The following ATP6V0A2 variants were observed in gnomAD, a reference collection of about 807,000 sequenced individuals.
ATP6V0A2 encodes the protein V-type proton ATPase 116 kDa subunit a 2.
Under a neutral mutation model 104.4 loss-of-function variants are expected in ATP6V0A2, and 58 were observed. The ratio of observed to expected loss-of-function variants is 0.56; its 90% confidence interval spans 0.45 to 0.69. The LOEUF is 0.69. ATP6V0A2 is among the 30% of genes least tolerant of loss of function. ATP6V0A2 has a pLI of 0.00. For missense variants in ATP6V0A2, 938 were observed against 1,062.9 expected (o/e 0.88, Z 1.63); for synonymous variants, 376 against 397.9 (o/e 0.95, Z 0.65).
chr12:123,751,188 T>G lies in ATP6V0A2; in HGVS notation c.2014T>G (p.Leu672Val). The change falls in exon 16 of 20, where the codon TTG becomes GTG. Residue 672 changes from leucine to valine, a missense_variant. Transcript: ENST00000330342. Reference protein sequence around the residue: ...VLFLGKPLFLLWLHNGRSCFG... With the variant: ...VLFLGKPLFLVWLHNGRSCFG... ...CTTCTTGGGAAAGCCACTGTTTTTG[T>G]TGTGGCTTCACAATGGGCGTAGTTG... The G allele has an allele frequency of 6.2e-7, 1 of 1,614,218 alleles. No individual in the cohort carries two copies. Among genetic ancestry groups the G allele is most frequent in the Non-Finnish European group, 8.5e-7 (1 of 1,180,046 alleles).
chr12:123,747,243 C>T (rs1436768437), intron 13 of ATP6V0A2, among the ~76,000 whole-genome samples: 2 of 152,174 alleles, frequency 1.3e-5, no homozygotes, highest in Middle Eastern at 6.3e-3. Flanking sequence ...ATGTCTCCTG[C>T]CCAGGTAGAG....
intron 4 of ATP6V0A2, 87 bp downstream of exon 4, chr12:123,724,878 ATTAG>A: frequency 9.5e-7 from 1 of 1,049,508 alleles, no homozygotes; most frequent in Non-Finnish European, 1.5e-6. Context: ...GTATTTTGCT[ATTAG>A]TTCATATAGA....
Position 123,752,374 on chromosome 12 carries a change from A to G in ATP6V0A2, c.2147A>G (p.Asp716Gly), listed in dbSNP as rs1956724445. Residue 716 changes from aspartate (D) to glycine (G), a missense_variant, in exon 17 of 20, where the codon GAT becomes GGT. Asp to Gly is a moderately conservative substitution (Grantham distance 94, BLOSUM62 -1). Transcript: ENST00000330342. Reference protein sequence around the residue: ...DIEEGNHQVEDGCREMACEEF... With the variant: ...DIEEGNHQVEGGCREMACEEF... Reference sequence around the variant, plus strand: ...GAAGAGGGAAATCACCAGGTGGAAGATGGATGTAGAGAAATGGCGTGTGAA... The same window carrying G: ...GAAGAGGGAAATCACCAGGTGGAAGGTGGATGTAGAGAAATGGCGTGTGAA... 1.9e-6 allele frequency: 3 copies of G among 1,614,160 alleles called. No homozygotes were observed. Among genetic ancestry groups the G allele is most frequent in the Non-Finnish European group, 2.5e-6 (3 of 1,180,006 alleles).
At chr12:123,716,977 G>A (rs67516712) in intron 1 of ATP6V0A2, among the ~76,000 whole-genome samples, 70,071 of 151,796 alleles carry the variant, frequency 0.46, 18,113 homozygotes, top group African/African-American at 0.69. Context: ...AAGTGGAATC[G>A]CACAGTATGT....
At chr12:123,751,047 G>C in intron 15 of ATP6V0A2, 63 bp from the exon 16 acceptor site, 1 of 1,607,434 alleles carries the variant, frequency 6.2e-7, no homozygotes, top group African/African-American at 1.3e-5. Flanking sequence ...TTCATCGTGT[G>C]CTGCTGACCC....
intron 18 of ATP6V0A2, chr12:123,754,844 G>T: frequency 2.4e-6 from 1 of 423,912 alleles, no homozygotes. Flanking sequence ...GGGAGCCTCT[G>T]GTGTAAGCAC....
chr12:123,743,879 G>C lies in ATP6V0A2; in HGVS notation c.1133G>C (p.Gly378Ala). The change falls in exon 10 of 20, where the codon GGA becomes GCA. Residue 378 changes from glycine (G) to alanine (A), a missense_variant. Transcript: ENST00000330342. ...ATCCGCACCAACAAATTCACCGAGG[G>C]ATTTCAGAACATCGTGGATGCTTAT... ...TRIRTNKFTEGFQNIVDAYGV... is the reference protein window; with the variant it reads ...TRIRTNKFTEAFQNIVDAYGV... 6.2e-7 allele frequency: 1 copy of C among 1,614,180 alleles called. No individual in the cohort carries two copies.
intron 9 of ATP6V0A2, among the ~76,000 whole-genome samples, chr12:123,741,932 A>G (rs1956613264): frequency 2.0e-5 from 3 of 152,088 alleles, no homozygotes; most frequent in African/African-American, 7.2e-5. Context: ...TTTTTTGTGT[A>G]CTGAATGCAA....
chr12:123,716,993 C>T (rs1956347108), intron 1 of ATP6V0A2, among the ~76,000 whole-genome samples: 1 of 151,960 alleles, frequency 6.6e-6, no homozygotes, highest in East Asian at 1.9e-4. Flanking sequence ...TATGTGGCTT[C>T]TTGTGTCTGG....
chr12:123,756,361 T>G (rs1452542500), intron 18 of ATP6V0A2: 1 of 151,728 alleles, frequency 6.6e-6, no homozygotes, highest in Non-Finnish European at 1.4e-5. Flanking sequence ...TTTATAAGCA[T>G]AGCCAAAGGT....
At position 123,744,109 on chromosome 12, in the gene ATP6V0A2, A is replaced by C. The variant is rs1956636298; in HGVS notation, c.1190-92A>C. The C allele has an allele frequency of 6.4e-7, 1 of 1,570,342 alleles. No individual in the cohort carries two copies. The highest frequency in any genetic ancestry group is 1.3e-5 in the African/African-American group (1 of 74,106). ...AATCCTATCTTGTGAATTCTGGAGA[A>C]AGTCAAGATTGTTATGTATCATTGT... On this transcript the variant is annotated intron_variant, in intron 10 of 19. Transcript: ENST00000330342. The surrounding 1 kb of genome is among the most constrained non-coding windows in gnomAD (Gnocchi z 5.4).
intron 8 of ATP6V0A2, 64 bp downstream of exon 8, chr12:123,735,688 TTC>T (rs961781542): frequency 4.6e-6 from 6 of 1,293,376 alleles, no homozygotes; most frequent in Admixed American, 3.5e-5. Flanking sequence ...CACGTATATT[TTC>T]TCTCTTTTTT....
intron 1 of ATP6V0A2, among the ~76,000 whole-genome samples, chr12:123,716,685 G>C (rs1274797397): frequency 6.6e-6 from 1 of 151,764 alleles, no homozygotes; most frequent in East Asian, 2.0e-4. Context: ...CAGCTACTCA[G>C]GAGGCTGAGG....
intron 9 of ATP6V0A2, among the ~76,000 whole-genome samples, chr12:123,740,242 G>A (rs544739843): frequency 3.4e-5 from 5 of 145,804 alleles, no homozygotes; most frequent in African/African-American, 5.1e-5. Context: ...TGGCTCTTTC[G>A]CCCACGCTGG....
intron 2 of ATP6V0A2, among the ~76,000 whole-genome samples, chr12:123,720,167 T>A (rs113042948): frequency 1.4e-3 from 211 of 152,236 alleles, no homozygotes; most frequent in African/African-American, 4.9e-3. Flanking sequence ...TTTTTTAAAT[T>A]GGGGATTTTT....
rs1482645343 is a variant in ATP6V0A2 at position 123,712,424 on chromosome 12, A to G, written c.-142A>G. ...TGGCAGAACCGGGGGCGGCCGCTGC[A>G]GTCTGGAGCCCCATAGTGCGGGGCC... On this transcript the variant is annotated 5_prime_UTR_variant, in exon 1 of 20. Coordinates refer to ENST00000330342, the MANE Select transcript of ATP6V0A2 (RefSeq NM_012463.4). 2.3e-6 allele frequency: 1 copy of G among 429,230 alleles called. No homozygotes were observed. The highest frequency in any genetic ancestry group is 2.1e-5 in the African/African-American group (1 of 47,808). 26.6% of individuals were successfully genotyped at this position (429,230 alleles called of 1,614,324 possible). A position where few individuals can be genotyped will look rare whatever the true frequency, so the allele number is the denominator to read the frequency against.
intron 18 of ATP6V0A2, 24 bp downstream of exon 18, chr12:123,754,561 GT>G: frequency 6.5e-7 from 1 of 1,538,408 alleles, no homozygotes; most frequent in South Asian, 1.1e-5. Flanking sequence ...TAGACCTGCA[GT>G]TCCCAATGCC....
At chr12:123,728,008 AAGTTGTTAACCTGATG>A in intron 6 of ATP6V0A2, 99 bp downstream of exon 6, 1 of 1,523,728 alleles carries the variant, frequency 6.6e-7, no homozygotes, top group Non-Finnish European at 9.0e-7. Flanking sequence ...ATTTGATAAT[AAGTTGTTAACCTGATG>A]CCTTATCTCT....
Position 123,759,201 on chromosome 12 carries a change from A to G in ATP6V0A2, c.*1169A>G, listed in dbSNP as rs1378402592. On this transcript the variant is annotated 3_prime_UTR_variant, in exon 20 of 20. Coordinates refer to ENST00000330342, the MANE Select transcript of ATP6V0A2 (RefSeq NM_012463.4). Reference sequence around the variant, plus strand: ...TTTGTAACAAAATATAAATGAAGATATTTTACCATGAAGAGATTGCACTTA... The same window carrying G: ...TTTGTAACAAAATATAAATGAAGATGTTTTACCATGAAGAGATTGCACTTA... 1 of 151,936 alleles carries G rather than the reference A, an allele frequency of 6.6e-6. No individual in the cohort carries two copies. The highest frequency in any genetic ancestry group is 2.4e-5 in the African/African-American group (1 of 41,078). 9.4% of individuals were successfully genotyped at this position (151,936 alleles called of 1,614,324 possible). A position where few individuals can be genotyped will look rare whatever the true frequency, so the allele number is the denominator to read the frequency against.
Sources: gnomAD v4.1 joint callset for allele counts (sites outside exome capture counted in the v4.1 genomes callset) on GRCh38, gnomAD v4.1.1 for gene constraint, Gnocchi (gnomAD v3.1) non-coding constraint, MANE v1.5 for transcripts, NCBI Gene and HGNC (gene_info 2026-07-23, HGNC 2026-07-21) for gene names.